RFX7: variants seen among roughly 807,000 people sequenced by gnomAD.
RFX7 encodes DNA-binding protein RFX7.
RFX7 carries 26 observed loss-of-function variants against 111.8 expected under a neutral mutation model. That is an observed-to-expected ratio of 0.23 (90% CI 0.17 to 0.32). The LOEUF (loss-of-function observed/expected upper bound fraction) is 0.32, where lower values mean the gene tolerates loss of function less well. Ranked by LOEUF, RFX7 falls within the 10% of genes least tolerant of loss-of-function variation. The probability of loss-of-function intolerance (pLI) is 1.00; values close to 1 mark genes in which losing one functional copy is unlikely to be tolerated. For missense variants in RFX7, 1,573 were observed against 1,772.9 expected (o/e 0.89, Z 2.02); for synonymous variants, 624 against 624.4 (o/e 1.00, Z 0.01).
chr15:56,129,775 G>C (rs1440991289), intron 5 of RFX7, among the ~76,000 whole-genome samples: 4 of 152,276 alleles, frequency 2.6e-5, no homozygotes, highest in Middle Eastern at 6.8e-3. Context: ...CATAGTTCAG[G>C]CTGAGGTATC....
chr15:56,207,865 C>A (rs182877075), intron 2 of RFX7, among the ~76,000 whole-genome samples: 36 of 152,248 alleles, frequency 2.4e-4, no homozygotes, highest in Middle Eastern at 3.4e-3. Flanking sequence ...CACAAACCCC[C>A]CAAATGGGAA....
chr15:56,193,133 A>G, intron 2 of RFX7: 1 of 235,144 alleles, frequency 4.3e-6, no homozygotes. Context: ...TAGCAACACT[A>G]CTGTGTGGCC....
intron 5 of RFX7, among the ~76,000 whole-genome samples, chr15:56,129,552 C>G (rs1330928611): frequency 6.6e-6 from 1 of 152,104 alleles, no homozygotes; most frequent in African/African-American, 2.4e-5. Flanking sequence ...ATGTGAAGCA[C>G]ATAGGAATAT....
intron 2 of RFX7, among the ~76,000 whole-genome samples, chr15:56,194,701 A>C (rs959099814): frequency 1.3e-5 from 2 of 152,112 alleles, no homozygotes. Context: ...GGAAATAAAA[A>C]ACATTCGGAA....
chr15:56,150,339 C>T (rs1288064592), intron 3 of RFX7, among the ~76,000 whole-genome samples: 1 of 152,184 alleles, frequency 6.6e-6, no homozygotes, highest in Non-Finnish European at 1.5e-5. Context: ...TCAAGTGGGT[C>T]CCTGACCCCT....
intron 2 of RFX7, among the ~76,000 whole-genome samples, chr15:56,226,951 A>G (rs2043492366): frequency 6.6e-6 from 1 of 152,192 alleles, no homozygotes; most frequent in Admixed American, 6.5e-5. Context: ...GAGGTTCCTC[A>G]AATCTATTTA....
At chr15:56,101,660 A>G (rs1361315436) in intron 7 of RFX7, 94 bp from the exon 8 acceptor site, 7 of 1,154,640 alleles carry the variant, frequency 6.1e-6, no homozygotes, top group African/African-American at 3.1e-5. Context: ...TAGAAGATAC[A>G]ATATAAATCT....
intron 2 of RFX7, among the ~76,000 whole-genome samples, chr15:56,236,583 T>C (rs1168772955): frequency 2.6e-5 from 4 of 152,216 alleles, no homozygotes; most frequent in African/African-American, 9.6e-5. Flanking sequence ...ACAAAGAACA[T>C]TCTGTCACGA....
chr15:56,089,438 C>T lies in RFX7; in HGVS notation c.*3907G>A, dbSNP rs991810977. On this transcript the variant is annotated 3_prime_UTR_variant, in exon 10 of 10. Transcript: ENST00000559447. ...AATGAACCCTTGAACCTCCTATCTC[C>T]ACTATTATTAAGCTAAAAGTAAGTG... is the stretch of plus-strand genomic sequence containing the variant. 2.6e-5 allele frequency: 4 copies of T among 152,428 alleles called. No individual in the cohort carries two copies. The highest frequency in any genetic ancestry group is 5.9e-5 in the Non-Finnish European group (4 of 68,016). The allele number at this position is 152,428 out of a possible 1,614,324, so 9.4% of individuals were successfully genotyped here. A position where few individuals can be genotyped will look rare whatever the true frequency, so the allele number is the denominator to read the frequency against.
intron 2 of RFX7, among the ~76,000 whole-genome samples, chr15:56,207,260 C>CA (rs1393364807): frequency 6.6e-6 from 1 of 151,982 alleles, no homozygotes; most frequent in Non-Finnish European, 1.5e-5. Context: ...CTGTGGGTAT[C>CA]AGAGACTAGA....
chr15:56,135,697 A>G lies in RFX7; in HGVS notation c.401+7081T>C, dbSNP rs1241975902. 8.3e-4 allele frequency among the ~76,000 whole-genome samples: 126 copies of G among 152,078 alleles called. 2 individuals are homozygous for G. The highest frequency in any genetic ancestry group is 4.6e-3 in the South Asian group (22 of 4,780). On this transcript the variant is annotated intron_variant, in intron 5 of 9. Coordinates refer to ENST00000559447, the MANE Select transcript of RFX7 (RefSeq NM_022841.7). ...AGACATGAAGTCCTTGCCCATGCCT[A>G]TGTCCTGAATGGTAATGCCTAGGTT...
At chr15:56,163,663 C>T (rs1438515867) in intron 3 of RFX7, among the ~76,000 whole-genome samples, 1 of 152,104 alleles carries the variant, frequency 6.6e-6, no homozygotes. Context: ...GATGGTCTCA[C>T]AGGAAAGTGA....
intron 3 of RFX7, among the ~76,000 whole-genome samples, chr15:56,167,263 T>A (rs2042794055): frequency 6.6e-6 from 1 of 152,126 alleles, no homozygotes; most frequent in African/African-American, 2.4e-5. Context: ...CAGTGAGCTA[T>A]GATCATGGCA....
intron 2 of RFX7, among the ~76,000 whole-genome samples, chr15:56,195,308 C>G (rs1224217224): frequency 6.6e-6 from 1 of 152,020 alleles, no homozygotes; most frequent in East Asian, 1.9e-4. Flanking sequence ...GAAAAATGTT[C>G]TTGAACTAGA....
At chr15:56,169,546 G>A (rs2042819143) in intron 3 of RFX7, among the ~76,000 whole-genome samples, 1 of 152,092 alleles carries the variant, frequency 6.6e-6, no homozygotes. Flanking sequence ...TGACAACTCA[G>A]TGGAATAGGT....
In RFX7 at chr15:56,088,527, TTTTTG is replaced by T. The variant is rs1449355069; in HGVS notation, c.*4813_*4817del. ...AAATCAAATCTTGAAAAATGTAGTC[TTTTTG>T]TTTTGTTCTTTTTTCTAAGCAGATT... On this transcript the variant is annotated 3_prime_UTR_variant, in exon 10 of 10. Transcript: ENST00000559447. The T allele has an allele frequency of 2.6e-5, 4 of 152,190 alleles. No individual in the cohort carries two copies. Among genetic ancestry groups the T allele is most frequent in the South Asian group, 4.1e-4 (2 of 4,832 alleles). The allele number at this position is 152,190 out of a possible 1,614,324, so 9.4% of individuals were successfully genotyped here.
chr15:56,185,489 T>A (rs1026280646), intron 2 of RFX7, among the ~76,000 whole-genome samples: 20 of 152,210 alleles, frequency 1.3e-4, no homozygotes, highest in Non-Finnish European at 2.8e-4. Context: ...ATATGTTAAA[T>A]ATCCAACTAC....
At chr15:56,110,271 G>C (rs1295793231) in intron 5 of RFX7, among the ~76,000 whole-genome samples, 2 of 110,472 alleles carry the variant, frequency 1.8e-5, no homozygotes, top group African/African-American at 6.7e-5. Context: ...GGAGGTGGGG[G>C]GGGGTCAGCC....
chr15:56,204,103 T>C (rs1596007269), intron 2 of RFX7, among the ~76,000 whole-genome samples: 1 of 149,682 alleles, frequency 6.7e-6, no homozygotes. Context: ...TCATTGTAAC[T>C]TCTACCTCCC....
Sources: allele counts gnomAD v4.1 joint callset (sites outside exome capture counted in the v4.1 genomes callset), GRCh38; gene constraint gnomAD v4.1.1; transcripts MANE v1.5; gene names NCBI Gene and HGNC (gene_info 2026-07-23, HGNC 2026-07-21).